RSF1: variants seen among roughly 807,000 people sequenced by gnomAD.
The protein encoded by RSF1 is remodeling and spacing factor 1, also known as HBV pX-associated protein 8.
Under a neutral mutation model 145.2 loss-of-function variants are expected in RSF1, and 13 were observed. The ratio of observed to expected loss-of-function variants is 0.09; its 90% CI spans 0.06 to 0.14. The LOEUF (loss-of-function observed/expected upper bound fraction) is 0.14. RSF1 is among the 10% of genes least tolerant of loss of function. The pLI is 1.00. For synonymous variants in RSF1, 577 were observed against 592.6 expected (o/e 0.97, Z 0.38); for missense variants, 1,517 against 1,718.2 (o/e 0.88, Z 2.07).
chr11:77,773,307 G>A (rs1948307246), intron 1 of RSF1, among the ~76,000 whole-genome samples: 1 of 151,372 alleles, frequency 6.6e-6, no homozygotes, highest in South Asian at 2.1e-4. Flanking sequence ...TGTACAATCA[G>A]TGGCGCCAAT....
At chr11:77,837,364 C>T in the RSF1 span, among the ~76,000 whole-genome samples, 1 of 151,410 alleles carries the variant, frequency 6.6e-6, no homozygotes, top group African/African-American at 2.4e-5. Flanking sequence ...CTCTTAACTC[C>T]TGACCTCGTG....
In RSF1 at chr11:77,701,617, C is replaced by T. The variant is rs1960425530; in HGVS notation, c.1612G>A (p.Glu538Lys). 6.2e-7 allele frequency: 1 copy of T among 1,614,054 alleles called. No individual in the cohort carries two copies. Among genetic ancestry groups the T allele is most frequent in the Non-Finnish European group, 8.5e-7 (1 of 1,179,978 alleles). The stretch of plus-strand genomic sequence containing the variant: ...ATCTCAGAAGAATCAAGAGAAGTTT[C>T]CATTTCTGGAGGATCGGGTTCCTCT... ...QIEEPDPPEM[E>K]TSLDSSEMAK... The change falls in exon 6 of 16, where the codon GAA becomes AAA. Residue 538 changes from glutamate (E) to lysine (K), a missense_variant. Physicochemically the swap from Glu to Lys is moderately conservative, Grantham distance 56 (BLOSUM62 1). This residue lies in a region of RSF1 where 579 missense variants were observed against 553.5 expected (regional missense o/e 1.05). Coordinates refer to ENST00000308488, the MANE Select transcript of RSF1 (RefSeq NM_016578.4).
chr11:77,743,369 C>A (rs1031816354), intron 3 of RSF1, among the ~76,000 whole-genome samples: 2 of 152,208 alleles, frequency 1.3e-5, no homozygotes, highest in Non-Finnish European at 2.9e-5. Context: ...TCCATGAACA[C>A]AGGACATCTT....
the RSF1 span, among the ~76,000 whole-genome samples, chr11:77,871,167 G>C: frequency 6.6e-6 from 1 of 152,062 alleles, no homozygotes; most frequent in Non-Finnish European, 1.5e-5. Context: ...CTATCTGATA[G>C]GGTACTTTTA....
Position 77,677,041 on chromosome 11 carries a change from G to T in RSF1, c.3134-42C>A, listed in dbSNP as rs768600637. On this transcript the variant is annotated intron_variant, in intron 12 of 15. Coordinates refer to ENST00000308488, the MANE Select transcript of RSF1 (RefSeq NM_016578.4). ...GAAGTTCGGGGAGAGAAAAATATGTGTTTATTAAAAGCTTCCCTTTAATTT... is the reference window on the plus strand; with the variant it reads ...GAAGTTCGGGGAGAGAAAAATATGTTTTTATTAAAAGCTTCCCTTTAATTT... The T allele has an allele frequency of 1.3e-5, 19 of 1,467,700 alleles. No homozygotes were observed. In the South Asian group the frequency reaches 2.2e-4, roughly 17 times the overall value. The allele number at this position is 1,467,700 out of a possible 1,614,324, so 90.9% of individuals were successfully genotyped here.
chr11:77,842,550 C>T, the RSF1 span: 1 of 1,613,994 alleles, frequency 6.2e-7, no homozygotes, highest in Non-Finnish European at 8.5e-7. Context: ...AAGTAAAAGG[C>T]TCTAATACAA....
chr11:77,804,780 TGATTCC>T (rs1948661063), intron 1 of RSF1, among the ~76,000 whole-genome samples: 2 of 152,200 alleles, frequency 1.3e-5, no homozygotes, highest in Non-Finnish European at 2.9e-5. Flanking sequence ...CAGTAAGCCG[TGATTCC>T]ACCACTATAC....
At chr11:77,813,681 G>T in intron 1 of RSF1, 1 of 497,172 alleles carries the variant, frequency 2.0e-6, no homozygotes, top group South Asian at 1.8e-5. Flanking sequence ...AGCCATAGCT[G>T]CTGCACGGCT....
intron 4 of RSF1, among the ~76,000 whole-genome samples, chr11:77,725,949 T>C (rs1234268932): frequency 6.6e-6 from 1 of 152,180 alleles, no homozygotes; most frequent in Non-Finnish European, 1.5e-5. Context: ...GAATATCTCT[T>C]GGGTTGAAAA....
the RSF1 span, among the ~76,000 whole-genome samples, chr11:77,837,728 G>T: frequency 6.6e-6 from 1 of 152,164 alleles, no homozygotes; most frequent in African/African-American, 2.4e-5. Context: ...GAACCACCAC[G>T]CCCAGCCCTC....
chr11:77,802,123 C>T (rs968662811), intron 1 of RSF1, among the ~76,000 whole-genome samples: 5 of 152,148 alleles, frequency 3.3e-5, no homozygotes, highest in Non-Finnish European at 5.9e-5. Flanking sequence ...CTTGTTTACC[C>T]AGCGTACCTC....
Position 77,773,670 on chromosome 11 carries a change from T to C in RSF1, c.188-8981A>G, listed in dbSNP as rs56311535. 2.2e-3 allele frequency among the ~76,000 whole-genome samples: 342 copies of C among 152,286 alleles called. 1 individual carries two copies. Among genetic ancestry groups the C allele is most frequent in the African/African-American group, 7.7e-3 (318 of 41,544 alleles). On this transcript the variant is annotated intron_variant, in intron 1 of 15. Transcript: ENST00000308488. ...AAGTGTTGTTACTCAAAATGTAATATGCTATCATAGACAATGCCTAACCTA... is the reference window on the plus strand; with the variant it reads ...AAGTGTTGTTACTCAAAATGTAATACGCTATCATAGACAATGCCTAACCTA...
intron 2 of RSF1, among the ~76,000 whole-genome samples, chr11:77,756,515 T>C (rs565152425): frequency 6.6e-6 from 1 of 152,182 alleles, no homozygotes; most frequent in Non-Finnish European, 1.5e-5. Flanking sequence ...AAACATTTAC[T>C]ATGTGCCGAC....
At chr11:77,689,717 T>A (rs1457374274) in intron 9 of RSF1, among the ~76,000 whole-genome samples, 1 of 152,256 alleles carries the variant, frequency 6.6e-6, no homozygotes, top group African/African-American at 2.4e-5. Context: ...TTGTTTTTGA[T>A]CTTTCCTCTT....
the RSF1 span, among the ~76,000 whole-genome samples, chr11:77,857,153 T>C: frequency 6.6e-6 from 1 of 152,186 alleles, no homozygotes; most frequent in Non-Finnish European, 1.5e-5. Flanking sequence ...AGAAGCTCTA[T>C]AGAGTAATTA....
rs376938470 is a variant in RSF1 at position 77,786,318 on chromosome 11, A to C, written c.188-21629T>G. On this transcript the variant is annotated intron_variant, in intron 1 of 15. Coordinates refer to ENST00000308488, the MANE Select transcript of RSF1 (RefSeq NM_016578.4). ...TGTTGTGCTTAGCAAGATTATTGTTAACTTATCATTCAGAATATCTGATCA... is the reference window on the plus strand; with the variant it reads ...TGTTGTGCTTAGCAAGATTATTGTTCACTTATCATTCAGAATATCTGATCA... 6.6e-5 allele frequency among the ~76,000 whole-genome samples: 10 copies of C among 152,346 alleles called. No homozygotes were observed. In the East Asian group the frequency reaches 1.9e-3, roughly 29 times the overall value.
chr11:77,681,695 A>G (rs955901259), intron 11 of RSF1, among the ~76,000 whole-genome samples: 1 of 152,220 alleles, frequency 6.6e-6, no homozygotes, highest in Admixed American at 6.5e-5. Flanking sequence ...ATCTACCAGT[A>G]ACATCACTTC....
At chr11:77,674,799 A>G (rs1262714818) in intron 14 of RSF1, among the ~76,000 whole-genome samples, 2 of 152,204 alleles carry the variant, frequency 1.3e-5, no homozygotes, top group African/African-American at 4.8e-5. Flanking sequence ...CGGGAGTTTG[A>G]GACCAGCCTG....
intron 4 of RSF1, among the ~76,000 whole-genome samples, chr11:77,729,782 G>A (rs946356070): frequency 6.7e-5 from 10 of 150,000 alleles, no homozygotes; most frequent in Non-Finnish European, 1.5e-5. Flanking sequence ...CATCTACAGA[G>A]CATAAAACAG....
Sources: allele counts gnomAD v4.1 joint callset (sites outside exome capture counted in the v4.1 genomes callset), GRCh38; gene constraint gnomAD v4.1.1; regional missense constraint gnomAD v4.1.1; transcripts MANE v1.5; gene names NCBI Gene and HGNC (gene_info 2026-07-23, HGNC 2026-07-21).